Variants in CA10 observed in about 807,000 individuals in gnomAD.
CA10 encodes the protein carbonic anhydrase-related protein 10.
In CA10, 14 loss-of-function variants were observed where a neutral mutation model predicts 44.2. The ratio of observed to expected loss-of-function variants is 0.32; its 90% confidence interval spans 0.21 to 0.50. The LOEUF is 0.50. Ranked by LOEUF, CA10 falls within the 20% of genes least tolerant of loss-of-function variation. CA10 has a pLI of 0.99. For synonymous variants in CA10, 159 were observed against 141.6 expected (o/e 1.12, Z -0.87); for missense variants, 350 against 409.7 (o/e 0.85, Z 1.26).
At chr17:52,072,632 ATTATGTAT>A (rs1321558071) in intron 1 of CA10, among the ~76,000 whole-genome samples, 23 of 148,550 alleles carry the variant, frequency 1.5e-4, no homozygotes, top group African/African-American at 5.5e-4. Context: ...AGAGATAGTA[ATTATGTAT>A]TTAAGTCCCC....
At chr17:52,103,017 CTTT>C (rs1988576895) in intron 1 of CA10, among the ~76,000 whole-genome samples, 1 of 151,978 alleles carries the variant, frequency 6.6e-6, no homozygotes, top group Non-Finnish European at 1.5e-5. Flanking sequence ...CTTCTCACTT[CTTT>C]TTGTTGTCCT....
At chr17:51,866,642 C>T (rs1029781677) in intron 3 of CA10, among the ~76,000 whole-genome samples, 2 of 152,168 alleles carry the variant, frequency 1.3e-5, no homozygotes, top group Non-Finnish European at 2.9e-5. Flanking sequence ...GATACCCGCT[C>T]GACTTTATAA....
chr17:51,659,803 G>C (rs1913933460), intron 4 of CA10, among the ~76,000 whole-genome samples: 2 of 152,194 alleles, frequency 1.3e-5, no homozygotes, highest in South Asian at 4.1e-4. Flanking sequence ...GCAGAGGTGG[G>C]ATTGTGCCCA....
intron 2 of CA10, among the ~76,000 whole-genome samples, chr17:52,032,282 TTTATTA>T (rs960971832): frequency 1.5e-4 from 23 of 152,086 alleles, no homozygotes; most frequent in African/African-American, 4.1e-4. Context: ...TCAATATCAC[TTTATTA>T]TTATTATTAT....
chr17:51,888,584 T>C (rs1438911208), intron 3 of CA10, among the ~76,000 whole-genome samples: 2 of 152,370 alleles, frequency 1.3e-5, no homozygotes, highest in South Asian at 2.1e-4. Flanking sequence ...AAGATCCTTC[T>C]ATCCCTTGTG....
At chr17:52,021,488 T>A (rs1234918939) in intron 2 of CA10, among the ~76,000 whole-genome samples, 1 of 152,094 alleles carries the variant, frequency 6.6e-6, no homozygotes, top group African/African-American at 2.4e-5. Context: ...TTTCTTTTTT[T>A]AATAGCCATT....
intron 3 of CA10, among the ~76,000 whole-genome samples, chr17:51,821,296 T>C (rs1010841652): frequency 5.9e-5 from 9 of 151,670 alleles, no homozygotes; most frequent in African/African-American, 2.2e-4. Flanking sequence ...CCTAACCACC[T>C]TGAAGTAGGC....
intron 3 of CA10, among the ~76,000 whole-genome samples, chr17:51,831,672 G>GCAGCAGCAGCAGCAGCAGCAGCAGCAT (rs1555604031): frequency 0.035 from 1,439 of 41,588 alleles, 52 homozygotes; most frequent in African/African-American, 0.12. Flanking sequence ...AGAAAAAGCA[G>GCAGCAGCAGCAGCAGCAGCAGCAGCAT]CAGCAGCAGC....
At chr17:51,778,423 A>G (rs374797946) in intron 3 of CA10, among the ~76,000 whole-genome samples, 1 of 152,188 alleles carries the variant, frequency 6.6e-6, no homozygotes, top group East Asian at 1.9e-4. Context: ...GCTCAGGGGC[A>G]TAGATCGCTA....
At chr17:51,935,299 T>C (rs1386269292) in intron 2 of CA10, among the ~76,000 whole-genome samples, 2 of 152,170 alleles carry the variant, frequency 1.3e-5, no homozygotes, top group Admixed American at 6.5e-5. Context: ...TTTAAACTTT[T>C]ATTTTTAAAG....
At chr17:51,999,429 G>A (rs1345477743) in intron 2 of CA10, among the ~76,000 whole-genome samples, 2 of 152,194 alleles carry the variant, frequency 1.3e-5, no homozygotes, top group East Asian at 1.9e-4. Flanking sequence ...GAGACATTTT[G>A]TGTGGGACTG....
chr17:51,852,366 A>G (rs1399516457), intron 3 of CA10, among the ~76,000 whole-genome samples: 1 of 152,188 alleles, frequency 6.6e-6, no homozygotes, highest in African/African-American at 2.4e-5. Context: ...CTGCAGACAA[A>G]AAAGCCCCCA....
At chr17:51,697,042 G>T (rs1167640566) in intron 4 of CA10, among the ~76,000 whole-genome samples, 2 of 151,388 alleles carry the variant, frequency 1.3e-5, no homozygotes, top group East Asian at 3.9e-4. Context: ...ACACAGGTAG[G>T]TATCTCCCAG....
At chr17:51,974,519 C>CA (rs1014694854) in intron 2 of CA10, among the ~76,000 whole-genome samples, 103 of 143,756 alleles carry the variant, frequency 7.2e-4, no homozygotes, top group African/African-American at 1.4e-3. Flanking sequence ...AAAACTGTAA[C>CA]AAAAAAAAAG....
At chr17:51,978,382 A>ATGTGTGTGTGTGTG (rs56108471) in intron 2 of CA10, among the ~76,000 whole-genome samples, 2 of 142,008 alleles carry the variant, frequency 1.4e-5, no homozygotes, top group African/African-American at 2.6e-5. Flanking sequence ...GTGTGTCTGT[A>ATGTGTGTGTGTGTG]TGTGTGTGTG....
intron 4 of CA10, among the ~76,000 whole-genome samples, chr17:51,744,205 C>CT (rs1457739606): frequency 6.6e-6 from 1 of 151,632 alleles, no homozygotes; most frequent in African/African-American, 2.4e-5. Context: ...ATCCCAGCTA[C>CT]TAGAGAGGCT....
At chr17:52,106,334 G>A (rs1390014629) in intron 1 of CA10, among the ~76,000 whole-genome samples, 2 of 152,176 alleles carry the variant, frequency 1.3e-5, no homozygotes, top group Admixed American at 6.5e-5. Flanking sequence ...GAAGTGGAGT[G>A]AGCCAGGGAG....
chr17:52,050,580 T>C (rs1334847333), intron 2 of CA10, among the ~76,000 whole-genome samples: 1 of 152,088 alleles, frequency 6.6e-6, no homozygotes, highest in Non-Finnish European at 1.5e-5. Flanking sequence ...GGCCTCTTCT[T>C]CCCAGCTTCT....
At chr17:52,074,493 TCAAA>T (rs983407205) in intron 1 of CA10, among the ~76,000 whole-genome samples, 1 of 152,194 alleles carries the variant, frequency 6.6e-6, no homozygotes, top group Non-Finnish European at 1.5e-5. Context: ...CTGACTGTCA[TCAAA>T]CAATTTAAAC....
Sources: gnomAD v4.1 joint callset for allele counts (sites outside exome capture counted in the v4.1 genomes callset) on GRCh38, gnomAD v4.1.1 for gene constraint, MANE v1.5 for transcripts, NCBI Gene and HGNC (gene_info 2026-07-23, HGNC 2026-07-21) for gene names.